DCUN1D1: variants seen among roughly 807,000 people sequenced by gnomAD.
DCUN1D1 encodes the protein defective in cullin neddylation 1 domain containing 1.
Under a neutral mutation model 39.0 loss-of-function variants are expected in DCUN1D1, and 3 were observed. That is an observed-to-expected ratio of 0.08 (90% CI 0.04 to 0.20). The LOEUF is 0.20. Ranked by LOEUF, DCUN1D1 falls within the 10% of genes least tolerant of loss-of-function variation. The probability of loss-of-function intolerance (pLI) is 1.00; values close to 1 mark genes in which losing one functional copy is unlikely to be tolerated. For synonymous variants in DCUN1D1, 82 were observed against 96.3 expected, an observed-to-expected ratio of 0.85 and a Z score of 0.87; for missense variants, 158 against 302.4, an observed-to-expected ratio of 0.52 and a Z score of 3.54.
chr3:182,975,335 T>C (rs1227449855), intron 1 of DCUN1D1, among the ~76,000 whole-genome samples: 2 of 151,774 alleles, frequency 1.3e-5, no homozygotes, highest in Non-Finnish European at 2.9e-5. Flanking sequence ...TGCTACCACA[T>C]CCAGCTAATT....
intron 4 of DCUN1D1, among the ~76,000 whole-genome samples, chr3:182,957,695 C>G (rs1277807377): frequency 6.6e-6 from 1 of 151,882 alleles, no homozygotes; most frequent in Non-Finnish European, 1.5e-5. Flanking sequence ...AGCACCCTAT[C>G]CTGGTATCAC....
At chr3:182,961,484 A>T in intron 3 of DCUN1D1, 128 bp from the exon 4 acceptor site, 1 of 886,170 alleles carries the variant, frequency 1.1e-6, no homozygotes. Context: ...GTTCGAATTC[A>T]GTCTTTTTAT....
intron 6 of DCUN1D1, 30 bp downstream of exon 6, chr3:182,947,208 A>C (rs1186183320): frequency 1.5e-6 from 2 of 1,375,568 alleles, no homozygotes; most frequent in African/African-American, 2.9e-5. Flanking sequence ...GCACATTAAA[A>C]AAAAGTGGTG....
chr3:182,971,961 C>T (rs902324071), intron 1 of DCUN1D1, among the ~76,000 whole-genome samples: 2 of 151,258 alleles, frequency 1.3e-5, no homozygotes, highest in African/African-American at 2.4e-5. Flanking sequence ...CAAATGTGAA[C>T]GATTTGCATT....
chr3:182,962,981 T>C (rs575607149), intron 3 of DCUN1D1, among the ~76,000 whole-genome samples: 1 of 152,266 alleles, frequency 6.6e-6, no homozygotes, highest in African/African-American at 2.4e-5. Context: ...GGTTTCTCCA[T>C]GTTGGTCAAG....
chr3:182,983,613 A>G (rs1302629292), upstream of DCUN1D1, among the ~76,000 whole-genome samples: 1 of 152,164 alleles, frequency 6.6e-6, no homozygotes, highest in Non-Finnish European at 1.5e-5. Flanking sequence ...AGGCTGAGGC[A>G]GGAGAATCGC....
At chr3:182,948,533 C>G (rs953890853) in intron 4 of DCUN1D1, among the ~76,000 whole-genome samples, 4 of 152,200 alleles carry the variant, frequency 2.6e-5, no homozygotes, top group Admixed American at 2.6e-4. Flanking sequence ...CTACACTTAT[C>G]ACATGACAGA....
upstream of DCUN1D1, among the ~76,000 whole-genome samples, chr3:182,985,234 C>G (rs1463697788): frequency 1.3e-5 from 2 of 152,142 alleles, no homozygotes; most frequent in Non-Finnish European, 2.9e-5. Context: ...ACCAAACTTA[C>G]CAGAGTGGAG....
chr3:182,952,290 C>T (rs1454418076), intron 4 of DCUN1D1, among the ~76,000 whole-genome samples: 1 of 152,194 alleles, frequency 6.6e-6, no homozygotes, highest in Non-Finnish European at 1.5e-5. Context: ...TGGGGCTCCT[C>T]TTCCTCCATT....
chr3:182,946,588 C>T (rs187504974), intron 6 of DCUN1D1, among the ~76,000 whole-genome samples: 11 of 140,020 alleles, frequency 7.9e-5, no homozygotes, highest in South Asian at 2.2e-4. Flanking sequence ...AGTCACTGAA[C>T]TTAAGGAATT....
At position 182,943,451 on chromosome 3, in the gene DCUN1D1, T is replaced by C. The variant is rs1726238512; in HGVS notation, c.*1643A>G. On this transcript the variant is annotated 3_prime_UTR_variant, in exon 7 of 7. Transcript: ENST00000292782. ...TTGAATTAAAGTTATGATTGGAATA[T>C]TAATATGTCTATAGGGAAAGCTTTC... 6.6e-6 allele frequency: 1 copy of C among 152,624 alleles called. No individual in the cohort carries two copies. The highest frequency in any genetic ancestry group is 2.4e-5 in the African/African-American group (1 of 41,460). 9.5% of individuals were successfully genotyped at this position (152,624 alleles called of 1,614,324 possible). A position where few individuals can be genotyped will look rare whatever the true frequency, so the allele number is the denominator to read the frequency against.
chr3:182,983,144 T>C (rs1728614249), upstream of DCUN1D1, among the ~76,000 whole-genome samples: 1 of 152,166 alleles, frequency 6.6e-6, no homozygotes, highest in Non-Finnish European at 1.5e-5. Flanking sequence ...CCATTGCCAT[T>C]TTCCACCACC....
chr3:182,947,568 T>C lies in DCUN1D1; in HGVS notation c.585A>G (p.Leu195=), dbSNP rs780115487. The C allele has an allele frequency of 3.2e-6, 5 of 1,579,642 alleles. No individual in the cohort carries two copies. The highest frequency in any genetic ancestry group is 4.3e-6 in the Non-Finnish European group (5 of 1,156,308). The change falls in exon 5 of 7, where the codon TTA becomes TTG. Residue 195 remains leucine (L), a synonymous_variant. Coordinates refer to ENST00000292782, the MANE Select transcript of DCUN1D1 (RefSeq NM_020640.4). ...AACTTACCAACAAAAATTTATTCCA[T>C]AAGTCTAAGAATTTAAATCTTCCAT... ...VLNGRFKFLD[L]WNKFLLEHHK... is the part of the protein sequence containing the mutation.
chr3:182,975,722 A>C (rs532507205), intron 1 of DCUN1D1, among the ~76,000 whole-genome samples: 1 of 151,742 alleles, frequency 6.6e-6, no homozygotes, highest in Admixed American at 6.6e-5. Context: ...AAAAAACAGA[A>C]AAATGGGAGT....
At chr3:182,960,292 T>A (rs201019618) in intron 4 of DCUN1D1, among the ~76,000 whole-genome samples, 1 of 149,582 alleles carries the variant, frequency 6.7e-6, no homozygotes, top group African/African-American at 2.5e-5. Context: ...AAAAAAAAAA[T>A]AAAAACAAAA....
intron 1 of DCUN1D1, among the ~76,000 whole-genome samples, chr3:182,972,547 G>A (rs759496873): frequency 6.6e-6 from 1 of 152,000 alleles, no homozygotes; most frequent in African/African-American, 2.4e-5. Context: ...GAGGTCGAGG[G>A]AGGAGGACTG....
chr3:182,981,982 G>A (rs1728569526), upstream of DCUN1D1, among the ~76,000 whole-genome samples: 1 of 152,178 alleles, frequency 6.6e-6, no homozygotes, highest in Non-Finnish European at 1.5e-5. Flanking sequence ...CTACATCCAC[G>A]GAGGTTCTCC....
chr3:182,964,867 C>T (rs975002938), intron 2 of DCUN1D1, among the ~76,000 whole-genome samples: 12 of 151,902 alleles, frequency 7.9e-5, no homozygotes, highest in African/African-American at 2.7e-4. Context: ...TCTTGAACTC[C>T]TGACCTTGTG....
At chr3:182,948,002 T>C (rs1726505258) in intron 4 of DCUN1D1, among the ~76,000 whole-genome samples, 2 of 152,214 alleles carry the variant, frequency 1.3e-5, no homozygotes, top group Non-Finnish European at 2.9e-5. Context: ...TTATTTGTTG[T>C]AGGGTGCTGT....
Sources: gnomAD v4.1 joint callset for allele counts (sites outside exome capture counted in the v4.1 genomes callset) on GRCh38, gnomAD v4.1.1 for gene constraint, MANE v1.5 for transcripts, NCBI Gene and HGNC (gene_info 2026-07-23, HGNC 2026-07-21) for gene names.